ZNF224: variants seen among roughly 807,000 people sequenced by gnomAD.
ZNF224 encodes the protein bone marrow zinc finger 2.
A neutral mutation model predicts 10.5 loss-of-function variants in ZNF224; 8 were observed. The ratio of observed to expected loss-of-function variants is 0.76; its 90% CI spans 0.45 to 1.37. The LOEUF (loss-of-function observed/expected upper bound fraction) is 1.37, where lower values mean the gene tolerates loss of function less well. Among genes scored for constraint, ZNF224 ranks in the 40% most tolerant of loss-of-function variants. The pLI is 0.00. For synonymous variants in ZNF224, 282 were observed against 287.8 expected, an observed-to-expected ratio of 0.98 and a Z score of 0.20; for missense variants, 754 against 854.0, an observed-to-expected ratio of 0.88 and a Z score of 1.46.
rs1256706053 is a variant in ZNF224 at position 44,101,144 on chromosome 19, T to C, written c.154T>C (p.Phe52Leu). 1 of 1,614,114 alleles carries C rather than the reference T, an allele frequency of 6.2e-7. No individual in the cohort carries two copies. The change falls in exon 5 of 6, where the codon TTC (phenylalanine) becomes CTC (leucine). Residue 52 changes from phenylalanine to leucine, a missense_variant. By Grantham distance (22) the Phe-to-Leu change is conservative. Coordinates refer to ENST00000693561, the MANE Select transcript of ZNF224 (RefSeq NM_001321645.3). The stretch of plus-strand genomic sequence containing the variant: ...TTGCCTGTTTGCAGGACATCAAGCA[T>C]TCCACAGGGATACTTTCCACTTCCT... ...RNLLSVGHQA[F>L]HRDTFHFLRE...
chr19:44,097,791 C>G lies in ZNF224; in HGVS notation c.-68-15C>G. Reference sequence around the variant, plus strand: ...TTTTCATGTCTCTTTTTCTGCCTTTCCTGGCACTTTGCAGGCACAATTCTG... The same window carrying G: ...TTTTCATGTCTCTTTTTCTGCCTTTGCTGGCACTTTGCAGGCACAATTCTG... On this transcript the variant is annotated splice_polypyrimidine_tract_variant and intron_variant, in intron 2 of 5. Transcript: ENST00000693561. The G allele has an allele frequency of 1.3e-6, 2 of 1,530,824 alleles. No homozygotes were observed. The highest frequency in any genetic ancestry group is 9.0e-7 in the Non-Finnish European group (1 of 1,111,816). 94.8% of individuals were successfully genotyped at this position (1,530,824 alleles called of 1,614,324 possible).
chr19:44,107,225 T>C lies in ZNF224; in HGVS notation c.1065T>C (p.Cys355=), dbSNP rs148310263. Residue 355 remains cysteine, a synonymous_variant, in exon 6 of 6, where the codon TGT becomes TGC. Transcript: ENST00000693561. ...AGGAGTGTGGAAAAGGCTTTATTTG[T>C]AGGCGAGATCTTTATACGCATCATA... ...KCEECGKGFI[C]RRDLYTHHMV... 3.1e-6 allele frequency: 5 copies of C among 1,600,940 alleles called. No homozygotes were observed. Among genetic ancestry groups the C allele is most frequent in the Non-Finnish European group, 4.3e-6 (5 of 1,173,244 alleles).
intron 1 of ZNF224, chr19:44,095,820 A>T (rs558094528): frequency 6.7e-5 from 10 of 149,254 alleles, no homozygotes; most frequent in Non-Finnish European, 1.3e-4. Flanking sequence ...TCTACTCGGG[A>T]GGGTGAGGCA....
At chr19:44,097,657 G>C (rs1273832573) in intron 2 of ZNF224, 149 bp from the exon 3 acceptor site, 8 of 531,270 alleles carry the variant, frequency 1.5e-5, no homozygotes, top group Non-Finnish European at 2.7e-5. Context: ...ACCCACAGGA[G>C]GGCATTTTGG....
intron 5 of ZNF224, among the ~76,000 whole-genome samples, chr19:44,103,488 A>G (rs1418055762): frequency 1.3e-5 from 2 of 152,192 alleles, no homozygotes; most frequent in African/African-American, 4.8e-5. Context: ...TCTATGGGTT[A>G]CTTCAGTAGG....
Position 44,107,245 on chromosome 19 carries a change from A to G in ZNF224, c.1085A>G (p.His362Arg), listed in dbSNP as rs1967695123. 1 of 1,596,052 alleles carries G rather than the reference A, an allele frequency of 6.3e-7. No homozygotes were observed. Among genetic ancestry groups the G allele is most frequent in the Admixed American group, 1.7e-5 (1 of 58,126 alleles). ...ATTTGTAGGCGAGATCTTTATACGC[A>G]TCATATGGTCCACACGGGAGAAAAG... ...GFICRRDLYT[H>R]HMVHTGEKPY... Residue 362 changes from histidine (H) to arginine (R), a missense_variant, in exon 6 of 6, where the codon CAT (histidine) becomes CGT (arginine). Coordinates refer to ENST00000693561, the MANE Select transcript of ZNF224 (RefSeq NM_001321645.3).
chr19:44,106,178 T>A, intron 5 of ZNF224: 1 of 574,784 alleles, frequency 1.7e-6, no homozygotes, highest in Non-Finnish European at 3.1e-6. Context: ...CAACATCTAT[T>A]GTTTTTCGTC....
At chr19:44,097,117 T>C in intron 2 of ZNF224, 1 of 208,068 alleles carries the variant, frequency 4.8e-6, no homozygotes. Context: ...AGAATAAAGT[T>C]TCTTAGGAAT....
Position 44,106,810 on chromosome 19 carries a change from C to T in ZNF224, c.650C>T (p.Ser217Leu). 1 of 1,613,886 alleles carries T rather than the reference C, an allele frequency of 6.2e-7. No homozygotes were observed. Among genetic ancestry groups the T allele is most frequent in the Non-Finnish European group, 8.5e-7 (1 of 1,179,870 alleles). Residue 217 changes from serine to leucine, a missense_variant, in exon 6 of 6, where the codon TCA (serine) becomes TTA (leucine). By Grantham distance (145) the Ser-to-Leu change is moderately radical. Transcript: ENST00000693561. ...TGTGGTAAGGAATTCAGTCAGAGTT[C>T]ACATCTGCAAACTCATCAGAGAGTC... ...DVCGKEFSQS[S>L]HLQTHQRVHT...
rs747345318 is a variant in ZNF224, at chr19:44,100,885, C to A, written c.100C>A (p.Arg34=). ...LLDLAQRKLY[R]DVMLENFRNL... Reference sequence around the variant, plus strand: ...GGACCTTGCTCAGAGGAAGCTGTATCGAGATGTGATGCTGGAGAACTTCAG... The same window carrying A: ...GGACCTTGCTCAGAGGAAGCTGTATAGAGATGTGATGCTGGAGAACTTCAG... The change falls in exon 4 of 6, where the codon CGA becomes AGA. Residue 34 remains arginine, a synonymous_variant. Coordinates refer to ENST00000693561, the MANE Select transcript of ZNF224 (RefSeq NM_001321645.3). The A allele has an allele frequency of 2.5e-6, 4 of 1,614,084 alleles. No homozygotes were observed. The highest frequency in any genetic ancestry group is 1.7e-6 in the Non-Finnish European group (2 of 1,179,992).
At chr19:44,101,642 G>A (rs113417504) in intron 5 of ZNF224, among the ~76,000 whole-genome samples, 9 of 152,278 alleles carry the variant, frequency 5.9e-5, no homozygotes, top group Non-Finnish European at 1.2e-4. Flanking sequence ...AGGGCACTGT[G>A]TTGCCTTTTG....
chr19:44,107,153 T>G lies in ZNF224; in HGVS notation c.993T>G (p.Leu331=). The part of the protein sequence containing the change: ...CDKSFRQRSA[L]NSHRMIHTGE... ...AGAGCTTTCGTCAGAGATCAGCACT[T>G]AATAGTCATCGCATGATCCACACAG... The change falls in exon 6 of 6, where the codon CTT becomes CTG. Residue 331 remains leucine (L), a synonymous_variant. Coordinates refer to ENST00000693561, the MANE Select transcript of ZNF224 (RefSeq NM_001321645.3). 6.2e-7 allele frequency: 1 copy of G among 1,607,428 alleles called. No individual in the cohort carries two copies. The highest frequency in any genetic ancestry group is 1.1e-5 in the South Asian group (1 of 90,136).
chr19:44,095,811 C>G (rs1017425616), intron 1 of ZNF224: 1 of 151,388 alleles, frequency 6.6e-6, no homozygotes, highest in Non-Finnish European at 1.5e-5. Context: ...GTAATCCCAT[C>G]TACTCGGGAG....
chr19:44,096,996 G>T (rs969525511), intron 2 of ZNF224: 1 of 177,174 alleles, frequency 5.6e-6, no homozygotes, highest in Admixed American at 6.2e-5. Flanking sequence ...ACATAACAGG[G>T]TCCAAGTGAT....
intron 4 of ZNF224, 24 bp downstream of exon 4, chr19:44,100,951 C>G (rs751869048): frequency 1.9e-6 from 3 of 1,611,914 alleles, no homozygotes; most frequent in Non-Finnish European, 1.7e-6. Flanking sequence ...CCCTCTGTAA[C>G]AGAACGTCAG....
intron 3 of ZNF224, among the ~76,000 whole-genome samples, chr19:44,098,732 C>T (rs1452216977): frequency 1.3e-5 from 2 of 152,072 alleles, no homozygotes; most frequent in Non-Finnish European, 2.9e-5. Flanking sequence ...TACAGGCATG[C>T]GTCACCATGC....
intron 2 of ZNF224, chr19:44,097,044 C>T (rs757441645): frequency 4.4e-6 from 1 of 225,456 alleles, no homozygotes; most frequent in South Asian, 5.5e-5. Flanking sequence ...CAACCTTGTC[C>T]ACTTGGCCGA....
chr19:44,108,509 C>T lies in ZNF224; in HGVS notation c.*225C>T. On this transcript the variant is annotated 3_prime_UTR_variant, in exon 6 of 6. Transcript: ENST00000693561. ...GCTTCAGCCATAGCTCAGCATGCCC[C>T]AGTAGTCTCAGGACCACCATAATGG... 1.8e-6 allele frequency: 1 copy of T among 548,192 alleles called. No individual in the cohort carries two copies. Among genetic ancestry groups the T allele is most frequent in the Non-Finnish European group, 3.3e-6 (1 of 306,002 alleles). 34.0% of individuals were successfully genotyped at this position (548,192 alleles called of 1,614,324 possible). A position where few individuals can be genotyped will look rare whatever the true frequency, so the allele number is the denominator to read the frequency against.
chr19:44,097,724 C>T (rs1967467794), intron 2 of ZNF224, 82 bp from the exon 3 acceptor site: 1 of 787,620 alleles, frequency 1.3e-6, no homozygotes, highest in Non-Finnish European at 2.1e-6. Flanking sequence ...TGTGCCAATT[C>T]ACAATACACA....
Sources: gnomAD v4.1 joint callset for allele counts (sites outside exome capture counted in the v4.1 genomes callset) on GRCh38, gnomAD v4.1.1 for gene constraint, MANE v1.5 for transcripts, NCBI Gene and HGNC (gene_info 2026-07-23, HGNC 2026-07-21) for gene names.